The following CARHSP1 variants were observed in gnomAD, a reference collection of about 807,000 sequenced individuals.
CARHSP1 encodes calcium-regulated heat-stable protein 1.
Under a neutral mutation model 12.5 loss-of-function variants are expected in CARHSP1, and 14 were observed. The observed-to-expected ratio is 1.12, with a 90% CI of 0.74 to 1.75. The LOEUF (loss-of-function observed/expected upper bound fraction) is 1.75. Among genes scored for constraint, CARHSP1 ranks in the 40% most tolerant of loss-of-function variants. CARHSP1 has a pLI of 0.00. For synonymous variants in CARHSP1, 161 were observed against 82.0 expected, an observed-to-expected ratio of 1.96 and a Z score of -5.20; for missense variants, 343 against 201.6, an observed-to-expected ratio of 1.70 and a Z score of -4.25.
At chr16:8,865,272 G>C (rs1401909193) in intron 1 of CARHSP1, among the ~76,000 whole-genome samples, 1 of 152,064 alleles carries the variant, frequency 6.6e-6, no homozygotes, top group Non-Finnish European at 1.5e-5. Context: ...ACCACACCCA[G>C]CCAATTGTTG....
chr16:8,858,179 C>G, intron 3 of CARHSP1, 171 bp downstream of exon 3: 4 of 769,402 alleles, frequency 5.2e-6, no homozygotes, highest in Non-Finnish European at 8.2e-6. Flanking sequence ...CAACCCCAAC[C>G]CAACACACAC....
chr16:8,860,493 G>C (rs1436206887), intron 1 of CARHSP1: 4 of 985,318 alleles, frequency 4.1e-6, no homozygotes, highest in Non-Finnish European at 4.8e-6. Context: ...CTCAGCTCGA[G>C]GTTCAGGGGA....
At chr16:8,858,893 C>G in intron 2 of CARHSP1, 1 of 425,326 alleles carries the variant, frequency 2.4e-6, no homozygotes. Flanking sequence ...TCACAGGGAA[C>G]CAGACTCTCA....
At chr16:8,858,954 C>T (rs1596533206) in intron 2 of CARHSP1, 3 of 477,168 alleles carry the variant, frequency 6.3e-6, no homozygotes, top group East Asian at 6.4e-5. Flanking sequence ...CCACCCATTG[C>T]CACTCCCAGC....
intron 2 of CARHSP1, 115 bp from the exon 3 acceptor site, chr16:8,858,587 A>G (rs2061232967): frequency 7.8e-6 from 10 of 1,277,762 alleles, no homozygotes; most frequent in Non-Finnish European, 1.1e-5. Context: ...ACCGCCATGT[A>G]CAGTCACACA....
chr16:8,861,416 G>C (rs2061350768), intron 1 of CARHSP1, among the ~76,000 whole-genome samples: 1 of 151,048 alleles, frequency 6.6e-6, no homozygotes, highest in African/African-American at 2.4e-5. Context: ...ACCTCAGTTT[G>C]CCCCCCCAGT....
chr16:8,857,263 G>GTTTTTTGTTTTTTGTTTTTTGTTTTTT (rs1315960023), intron 3 of CARHSP1, among the ~76,000 whole-genome samples: 5 of 57,036 alleles, frequency 8.8e-5, no homozygotes, highest in South Asian at 1.8e-3. Flanking sequence ...GGGCAGATCT[G>GTTTTTTGTTTTTTGTTTTTTGTTTTTT]TTTTTTTTTT....
intron 2 of CARHSP1, chr16:8,858,950 A>G: frequency 2.1e-6 from 1 of 473,510 alleles, no homozygotes; most frequent in South Asian, 4.2e-5. Context: ...CTGCCCACCC[A>G]TTGCCACTCC....
At chr16:8,859,123 GGCAAGAGATCCATCTGA>G in intron 2 of CARHSP1, 31 bp downstream of exon 2, 1 of 1,516,402 alleles carries the variant, frequency 6.6e-7, no homozygotes, top group Non-Finnish European at 8.9e-7. Context: ...TCTGGCCTCA[GGCAAGAGATCCATCTGA>G]GAACGCGTCC....
chr16:8,856,905 T>TC (rs1180918085), intron 3 of CARHSP1, among the ~76,000 whole-genome samples: 8 of 151,918 alleles, frequency 5.3e-5, no homozygotes, highest in African/African-American at 1.7e-4. Flanking sequence ...CACCCCCGGC[T>TC]CCCCAAGGGT....
chr16:8,855,068 C>T lies in CARHSP1; in HGVS notation c.*96G>A, dbSNP rs866877363. On this transcript the variant is annotated 3_prime_UTR_variant, in exon 4 of 4. Transcript: ENST00000311052. ...GAGAGGGACCATGCCCGGCTGAAGC[C>T]CCGTCTCGTGTGGAAGAATGTCATC... 3.4e-6 allele frequency: 4 copies of T among 1,178,282 alleles called. No homozygotes were observed. Among genetic ancestry groups the T allele is most frequent in the South Asian group, 1.9e-5 (1 of 53,950 alleles). The allele number at this position is 1,178,282 out of a possible 1,614,324, so 73.0% of individuals were successfully genotyped here.
chr16:8,862,761 G>C (rs1379232437), intron 1 of CARHSP1, among the ~76,000 whole-genome samples: 2 of 152,166 alleles, frequency 1.3e-5, no homozygotes, highest in African/African-American at 4.8e-5. Flanking sequence ...AGGAATGGGA[G>C]GCAGGAAAGG....
At chr16:8,855,760 C>G (rs1446577534) in intron 3 of CARHSP1, among the ~76,000 whole-genome samples, 1 of 152,214 alleles carries the variant, frequency 6.6e-6, no homozygotes, top group South Asian at 2.1e-4. Flanking sequence ...CTCAGCACTG[C>G]AGCCCCTGGT....
chr16:8,864,144 T>C (rs1436903586), intron 1 of CARHSP1, among the ~76,000 whole-genome samples: 1 of 152,242 alleles, frequency 6.6e-6, no homozygotes. Context: ...TGCACAGGTA[T>C]GTAGGTGTAT....
intron 1 of CARHSP1, among the ~76,000 whole-genome samples, chr16:8,866,996 C>A (rs545367731): frequency 2.0e-5 from 3 of 152,124 alleles, no homozygotes; most frequent in Non-Finnish European, 4.4e-5. Context: ...AGGGGGCCTC[C>A]AACATTGCCA....
Position 8,858,390 on chromosome 16 carries a change from G to C in CARHSP1, c.241C>G (p.Pro81Ala), listed in dbSNP as rs767318085. 1.2e-6 allele frequency: 2 copies of C among 1,614,066 alleles called. No homozygotes were observed. Among genetic ancestry groups the C allele is most frequent in the Non-Finnish European group, 1.7e-6 (2 of 1,180,026 alleles). The change falls in exon 3 of 4, where the codon CCA becomes GCA. Residue 81 changes from proline to alanine, a missense_variant. Pro to Ala is a conservative substitution (Grantham distance 27). Coordinates refer to ENST00000311052, the MANE Select transcript of CARHSP1 (RefSeq NM_014316.4). ...CRSKGHGFITPADGGPDIFLH... is the reference protein window; with the variant it reads ...CRSKGHGFITAADGGPDIFLH... ...AAGATGTCGGGGCCGCCATCAGCTG[G>C]AGTAATGAAGCCATGGCCCTTGGAC...
chr16:8,859,133 C>G, intron 2 of CARHSP1, 38 bp downstream of exon 2: 3 of 1,536,570 alleles, frequency 2.0e-6, no homozygotes, highest in Non-Finnish European at 2.6e-6. Flanking sequence ...GGCAAGAGAT[C>G]CATCTGAGAA....
intron 3 of CARHSP1, chr16:8,858,063 C>T (rs7500138): frequency 0.15 from 60,155 of 405,164 alleles, 4,680 homozygotes; most frequent in East Asian, 0.2. Flanking sequence ...ACGCCCAGCA[C>T]ACACAAAACC....
chr16:8,859,399 C>A, intron 1 of CARHSP1, 64 bp from the exon 2 acceptor site: 1 of 1,411,490 alleles, frequency 7.1e-7, no homozygotes, highest in South Asian at 1.2e-5. Context: ...TGCTTACCCC[C>A]ATGTCCACGT....
Sources: allele counts gnomAD v4.1 joint callset (sites outside exome capture counted in the v4.1 genomes callset), GRCh38; gene constraint gnomAD v4.1.1; transcripts MANE v1.5; gene names NCBI Gene and HGNC (gene_info 2026-07-23, HGNC 2026-07-21).